The following PLEKHG4B variants were observed in gnomAD, a reference collection of about 807,000 sequenced individuals.
The protein encoded by PLEKHG4B is pleckstrin homology and RhoGEF domain containing G4B.
PLEKHG4B carries 111 observed loss-of-function variants against 121.3 expected under a neutral mutation model. The observed-to-expected ratio is 0.92, with a 90% CI of 0.78 to 1.07. The LOEUF (loss-of-function observed/expected upper bound fraction) is 1.07. Among genes scored for constraint, PLEKHG4B ranks in the 50% least tolerant of loss-of-function variants. The probability of loss-of-function intolerance (pLI) is 0.00; values close to 1 mark genes in which losing one functional copy is unlikely to be tolerated. For synonymous variants in PLEKHG4B, 738 were observed against 725.0 expected, an observed-to-expected ratio of 1.02 and a Z score of -0.29; for missense variants, 1,831 against 1,757.8, an observed-to-expected ratio of 1.04 and a Z score of -0.74.
Position 182,901 on chromosome 5 carries a change from A to C in PLEKHG4B, c.*578A>C, listed in dbSNP as rs1360292996. The C allele has an allele frequency of 6.4e-6, 1 of 156,302 alleles. No homozygotes were observed. Among genetic ancestry groups the C allele is most frequent in the Non-Finnish European group, 1.4e-5 (1 of 70,330 alleles). 9.7% of individuals were successfully genotyped at this position (156,302 alleles called of 1,614,324 possible). A position where few individuals can be genotyped will look rare whatever the true frequency, so the allele number is the denominator to read the frequency against. On this transcript the variant is annotated 3_prime_UTR_variant, in exon 20 of 20. Coordinates refer to ENST00000637938, the MANE Select transcript of PLEKHG4B (RefSeq NM_052909.5). ...TGGGTTGCTACCCATTCGCACACTC[A>C]AACAGGGAGGCTACCAAGGCTGGGA... is the stretch of plus-strand genomic sequence containing the variant.
intron 1 of PLEKHG4B, among the ~76,000 whole-genome samples, chr5:103,597 G>A (rs1011083325): frequency 3.3e-5 from 5 of 152,098 alleles, no homozygotes; most frequent in Admixed American, 3.3e-4. Context: ...AAAAATTGAT[G>A]TGTGATAGTT....
In PLEKHG4B at chr5:182,222, G is replaced by A. The variant is rs368497309; in HGVS notation, c.4783G>A (p.Val1595Ile). 5.7e-5 allele frequency: 92 copies of A among 1,613,726 alleles called. No individual in the cohort carries two copies. Among genetic ancestry groups the A allele is most frequent in the African/African-American group, 2.3e-4 (17 of 74,942 alleles). The change falls in exon 20 of 20, where the codon GTC becomes ATC. Residue 1595 changes from valine (V) to isoleucine (I), a missense_variant. Coordinates refer to ENST00000637938, the MANE Select transcript of PLEKHG4B (RefSeq NM_052909.5). ...SPWSSDIRAC[V>I]EEDEPEPELE... is the part of the protein sequence containing the mutation. Reference sequence around the variant, plus strand: ...CTGGTCATCTGATATCAGAGCCTGCGTCGAGGAAGATGAGCCAGAGCCAGA... The same window carrying A: ...CTGGTCATCTGATATCAGAGCCTGCATCGAGGAAGATGAGCCAGAGCCAGA...
At chr5:98,216 T>C (rs1257813632) in intron 1 of PLEKHG4B, among the ~76,000 whole-genome samples, 2 of 152,082 alleles carry the variant, frequency 1.3e-5, no homozygotes, top group African/African-American at 2.4e-5. Context: ...GATCCATTTT[T>C]AGTTAACTTT....
At chr5:133,172 C>G (rs907762201) in intron 2 of PLEKHG4B, among the ~76,000 whole-genome samples, 2 of 152,066 alleles carry the variant, frequency 1.3e-5, no homozygotes, top group African/African-American at 4.8e-5. Context: ...GGGTTGAGTT[C>G]TTAATTCAAT....
At position 143,468 on chromosome 5, in the gene PLEKHG4B, G is replaced by C. The variant is rs760044581; in HGVS notation, c.1776G>C (p.Leu592=). 1.2e-6 allele frequency: 2 copies of C among 1,612,894 alleles called. No homozygotes were observed. The highest frequency in any genetic ancestry group is 8.5e-7 in the Non-Finnish European group (1 of 1,180,006). The part of the protein sequence containing the change: ...WTREHSSCAE[L]TRLLLYFHSI... ...GGGAACACTCGTCCTGTGCTGAGCT[G>C]ACCCGCCTGCTGCTGTACTTCCATA... Residue 592 remains leucine, a synonymous_variant, in exon 5 of 20, where the codon CTG becomes CTC. Coordinates refer to ENST00000637938, the MANE Select transcript of PLEKHG4B (RefSeq NM_052909.5).
intron 12 of PLEKHG4B, among the ~76,000 whole-genome samples, chr5:162,406 A>G (rs1391697630): frequency 6.6e-6 from 1 of 152,232 alleles, no homozygotes; most frequent in African/African-American, 2.4e-5. Flanking sequence ...AGCAGGGTAG[A>G]GCCGTCTGCC....
Position 149,536 on chromosome 5 carries a change from G to A in PLEKHG4B, c.1906-1977G>A, listed in dbSNP as rs140620316. ...AGTATGGATGACAGAGAGAGACCCC[G>A]TCTCAAAAAAAGTAAATAAGAAGAC... On this transcript the variant is annotated intron_variant, in intron 6 of 19. Transcript: ENST00000637938. 2.9e-3 allele frequency among the ~76,000 whole-genome samples: 429 copies of A among 148,120 alleles called. 4 individuals carry two copies. Among genetic ancestry groups the A allele is most frequent in the African/African-American group, 0.01 (400 of 38,462 alleles).
intron 16 of PLEKHG4B, among the ~76,000 whole-genome samples, chr5:171,795 G>A (rs544109698): frequency 6.6e-6 from 1 of 152,370 alleles, no homozygotes; most frequent in Admixed American, 6.5e-5. Flanking sequence ...GTGGACGTGA[G>A]CGCTGCACCC....
intron 1 of PLEKHG4B, among the ~76,000 whole-genome samples, chr5:101,286 C>T (rs866675862): frequency 3.6e-5 from 4 of 110,914 alleles, no homozygotes; most frequent in South Asian, 2.6e-4. Flanking sequence ...CATATAAAGC[C>T]CTGGGAAAAG....
At chr5:138,942 A>C (rs1735063565) in intron 2 of PLEKHG4B, among the ~76,000 whole-genome samples, 1 of 152,256 alleles carries the variant, frequency 6.6e-6, no homozygotes, top group African/African-American at 2.4e-5. Flanking sequence ...AGCTATTTAA[A>C]GGGAACAGAG....
At chr5:147,235 T>C (rs1011602958) in intron 6 of PLEKHG4B, among the ~76,000 whole-genome samples, 1 of 152,238 alleles carries the variant, frequency 6.6e-6, no homozygotes, top group Admixed American at 6.5e-5. Context: ...GCACAGACAC[T>C]GTCAGGAAAG....
At chr5:151,936 T>C (rs1435779022) in intron 7 of PLEKHG4B, among the ~76,000 whole-genome samples, 1 of 152,220 alleles carries the variant, frequency 6.6e-6, no homozygotes, top group Admixed American at 6.5e-5. Flanking sequence ...GGAGTTCTCC[T>C]TTTCCCCTCA....
Position 182,442 on chromosome 5 carries a change from G to C in PLEKHG4B, c.*119G>C. On this transcript the variant is annotated 3_prime_UTR_variant, in exon 20 of 20. Transcript: ENST00000637938. The stretch of plus-strand genomic sequence containing the variant: ...TCGCGTGGCTGGAACGATCCAGAGG[G>C]AATAGCACAGCAGGTGTCCAGGTAT... 1.1e-6 allele frequency: 1 copy of C among 937,266 alleles called. No individual in the cohort carries two copies. The highest frequency in any genetic ancestry group is 1.7e-5 in the African/African-American group (1 of 60,576). 58.1% of individuals were successfully genotyped at this position (937,266 alleles called of 1,614,324 possible). A position where few individuals can be genotyped will look rare whatever the true frequency, so the allele number is the denominator to read the frequency against.
chr5:162,844 T>C lies in PLEKHG4B; in HGVS notation c.2772T>C (p.Gly924=). The change falls in exon 13 of 20, where the codon GGT becomes GGC. Residue 924 remains glycine, a synonymous_variant. Transcript: ENST00000637938. ...CTGCAGAGGCCTTCCCCGGGGCAGG[T>C]GTGGCAGTGCTGAAGCCTCATGCCC... ...SVAAEAFPGA[G]VAVLKPHALG... is the part of the protein sequence containing the mutation. The C allele has an allele frequency of 4.0e-6, 6 of 1,513,274 alleles. No homozygotes were observed. The highest frequency in any genetic ancestry group is 5.3e-6 in the Non-Finnish European group (6 of 1,130,554). The allele number at this position is 1,513,274 out of a possible 1,614,324, so 93.7% of individuals were successfully genotyped here.
chr5:134,042 AAT>A (rs1306394178), intron 2 of PLEKHG4B, among the ~76,000 whole-genome samples: 4 of 136,986 alleles, frequency 2.9e-5, no homozygotes, highest in Non-Finnish European at 6.2e-5. Context: ...ATATAGATAG[AAT>A]ATATATATGA....
chr5:96,790 G>A (rs893063291), intron 1 of PLEKHG4B, among the ~76,000 whole-genome samples: 1 of 152,152 alleles, frequency 6.6e-6, no homozygotes, highest in African/African-American at 2.4e-5. Flanking sequence ...CATAGGGAAG[G>A]GGGTTGTTTG....
chr5:159,693 G>T lies in PLEKHG4B; in HGVS notation c.2488-2090G>T, dbSNP rs1008731007. ...GAAGCCTGTGGCCCACGCATCTTTA[G>T]CATTTTCTCCCTGGCGGTCTGATTC... On this transcript the variant is annotated intron_variant, in intron 11 of 19. Transcript: ENST00000637938. This position sits in a 1 kb window ranked among gnomAD's most constrained non-coding sequence, Gnocchi z 5.5. Among the ~76,000 whole-genome samples the T allele has an allele frequency of 3.9e-5, 6 of 152,154 alleles. No homozygotes were observed. Among genetic ancestry groups the T allele is most frequent in the Non-Finnish European group, 8.8e-5 (6 of 68,006 alleles).
At chr5:167,507 A>C (rs1400570070) in intron 13 of PLEKHG4B, among the ~76,000 whole-genome samples, 1 of 131,026 alleles carries the variant, frequency 7.6e-6, no homozygotes, top group African/African-American at 2.5e-5. Flanking sequence ...GTTGGGGGTA[A>C]GATGCCATCA....
chr5:144,844 T>C lies in PLEKHG4B; in HGVS notation c.1829T>C (p.Leu610Pro). Residue 610 changes from leucine to proline, a missense_variant, in exon 6 of 20, where the codon CTG becomes CCG. Transcript: ENST00000637938. ...HSIPRKEVRD[L>P]GLVVLVDARR... Reference sequence around the variant, plus strand: ...CTCCCCAGGAAAGAGGTCCGGGACCTGGGGCTGGTTGTCCTGGTGGATGCA... The same window carrying C: ...CTCCCCAGGAAAGAGGTCCGGGACCCGGGGCTGGTTGTCCTGGTGGATGCA... 1 of 1,613,348 alleles carries C rather than the reference T, an allele frequency of 6.2e-7. No individual in the cohort carries two copies. Among genetic ancestry groups the C allele is most frequent in the Non-Finnish European group, 8.5e-7 (1 of 1,179,874 alleles).
Sources: allele counts gnomAD v4.1 joint callset (sites outside exome capture counted in the v4.1 genomes callset), GRCh38; gene constraint gnomAD v4.1.1; non-coding constraint Gnocchi (gnomAD v3.1); transcripts MANE v1.5; gene names NCBI Gene and HGNC (gene_info 2026-07-23, HGNC 2026-07-21).